Variants in IPO11 observed in about 807,000 individuals in gnomAD.
IPO11 encodes importin 11, also known as importin-11.
In IPO11, 66 loss-of-function variants were observed where a neutral mutation model predicts 143.2. The observed-to-expected ratio is 0.46, with a 90% CI of 0.38 to 0.57. IPO11 has a LOEUF of 0.57. Ranked by LOEUF, IPO11 falls within the 20% of genes least tolerant of loss-of-function variation. The pLI is 0.00. For synonymous variants in IPO11, 385 were observed against 377.8 expected, an observed-to-expected ratio of 1.02 and a Z score of -0.22; for missense variants, 1,026 against 1,141.0, an observed-to-expected ratio of 0.90 and a Z score of 1.45.
At position 62,523,490 on chromosome 5, in the gene IPO11, TGG is replaced by T. The variant is rs551168596; in HGVS notation, c.1897-2650_1897-2649del. 1.6e-3 allele frequency among the ~76,000 whole-genome samples: 241 copies of T among 152,020 alleles called. 5 individuals carry two copies. The highest frequency in any genetic ancestry group is 8.1e-4 in the Non-Finnish European group (55 of 67,992). On this transcript the variant is annotated intron_variant, in intron 20 of 29. Coordinates refer to ENST00000325324, the MANE Select transcript of IPO11 (RefSeq NM_016338.5). ...ACCACTGAGGACACTAGTTTGGAAG[TGG>T]GTAAAACTAAGGTCAAATAGACTAG...
intron 29 of IPO11, among the ~76,000 whole-genome samples, chr5:62,618,047 AAGT>A (rs766303040): frequency 2.0e-5 from 3 of 152,254 alleles, no homozygotes; most frequent in Non-Finnish European, 4.4e-5. Flanking sequence ...TCTACTCTAT[AAGT>A]AGAATATGTA....
chr5:62,601,884 C>A, intron 29 of IPO11, 36 bp downstream of exon 29: 2 of 1,271,942 alleles, frequency 1.6e-6, no homozygotes, highest in South Asian at 2.8e-5. Context: ...AATTAAGAAC[C>A]ATATATTATC....
chr5:62,504,607 A>G, intron 16 of IPO11, 60 bp from the exon 17 acceptor site: 2 of 1,002,700 alleles, frequency 2.0e-6, no homozygotes, highest in Non-Finnish European at 1.5e-6. Context: ...TTTTTGTTTG[A>G]TATTAATGAT....
At chr5:62,436,504 A>G (rs1450773093) in intron 1 of IPO11, among the ~76,000 whole-genome samples, 5 of 152,230 alleles carry the variant, frequency 3.3e-5, no homozygotes, top group African/African-American at 1.2e-4. Flanking sequence ...GTGAATAACT[A>G]TACATACTTG....
intron 29 of IPO11, among the ~76,000 whole-genome samples, chr5:62,612,670 ATAAG>A (rs1745968406): frequency 6.6e-6 from 1 of 152,208 alleles, no homozygotes; most frequent in African/African-American, 2.4e-5. Flanking sequence ...AAGTGAGTTG[ATAAG>A]TATTTTTGAA....
At chr5:62,588,730 A>G (rs1490633769) in intron 27 of IPO11, among the ~76,000 whole-genome samples, 2 of 152,162 alleles carry the variant, frequency 1.3e-5, no homozygotes, top group African/African-American at 2.4e-5. Flanking sequence ...GCCTGACTCA[A>G]TTTCTCCATA....
intron 29 of IPO11, among the ~76,000 whole-genome samples, chr5:62,617,731 A>G (rs1746195339): frequency 6.6e-6 from 1 of 152,176 alleles, no homozygotes; most frequent in Non-Finnish European, 1.5e-5. Context: ...AAACTGAGTT[A>G]TAAGTAGAAA....
At chr5:62,623,856 C>G (rs1220634105) in intron 29 of IPO11, among the ~76,000 whole-genome samples, 2 of 152,024 alleles carry the variant, frequency 1.3e-5, no homozygotes, top group Non-Finnish European at 2.9e-5. Flanking sequence ...CTCCTGACCT[C>G]AGGTTATCCA....
chr5:62,429,326 GT>G (rs937495921), intron 1 of IPO11, among the ~76,000 whole-genome samples: 1 of 152,154 alleles, frequency 6.6e-6, no homozygotes, highest in African/African-American at 2.4e-5. Context: ...GCTCATTCAT[GT>G]TTTAGTATGT....
chr5:62,465,838 T>TGCCAGCTTCCTGTGG (rs1745555113), intron 5 of IPO11, among the ~76,000 whole-genome samples: 1 of 152,332 alleles, frequency 6.6e-6, no homozygotes, highest in Admixed American at 6.5e-5. Context: ...CACCTACAGG[T>TGCCAGCTTCCTGTGG]GCCAGCTTCC....
intron 29 of IPO11, among the ~76,000 whole-genome samples, chr5:62,625,800 C>T (rs553630891): frequency 2.6e-5 from 4 of 152,278 alleles, no homozygotes; most frequent in Admixed American, 2.6e-4. Flanking sequence ...CTTATATAAG[C>T]TAATACATAA....
intron 26 of IPO11, among the ~76,000 whole-genome samples, chr5:62,560,206 G>A (rs1304374246): frequency 6.6e-6 from 1 of 152,092 alleles, no homozygotes. Context: ...GGCCTTCCCA[G>A]GACTAGGGCT....
chr5:62,539,097 T>G (rs1183432267), intron 24 of IPO11, among the ~76,000 whole-genome samples: 1 of 152,210 alleles, frequency 6.6e-6, no homozygotes, highest in African/African-American at 2.4e-5. Flanking sequence ...AGGACTGTAT[T>G]AGTTTCCTAG....
intron 29 of IPO11, among the ~76,000 whole-genome samples, chr5:62,616,685 A>G (rs1174823049): frequency 2.2e-5 from 3 of 134,000 alleles, no homozygotes; most frequent in Non-Finnish European, 4.6e-5. Context: ...GTGCCCCTGC[A>G]CTCCAGCCTG....
At chr5:62,590,028 C>T (rs987111223) in intron 27 of IPO11, among the ~76,000 whole-genome samples, 2 of 152,148 alleles carry the variant, frequency 1.3e-5, no homozygotes, top group African/African-American at 4.8e-5. Flanking sequence ...GGAGCACTGC[C>T]TTCTGGGTTT....
chr5:62,452,004 A>G (rs1744946309), intron 5 of IPO11, 71 bp downstream of exon 5: 2 of 1,230,500 alleles, frequency 1.6e-6, no homozygotes, highest in Non-Finnish European at 2.4e-6. Flanking sequence ...TATGCCTGTA[A>G]TCTCAGCACT....
intron 16 of IPO11, among the ~76,000 whole-genome samples, chr5:62,495,057 A>G (rs1194944319): frequency 1.3e-5 from 2 of 152,226 alleles, no homozygotes; most frequent in Non-Finnish European, 2.9e-5. Flanking sequence ...AAATAGGTGA[A>G]TTTGTTACAG....
At chr5:62,613,385 C>T (rs1320510893) in intron 29 of IPO11, among the ~76,000 whole-genome samples, 1 of 143,212 alleles carries the variant, frequency 7.0e-6, no homozygotes, top group Non-Finnish European at 1.5e-5. Context: ...TCACTGCAAC[C>T]TCTATCTGAT....
intron 24 of IPO11, among the ~76,000 whole-genome samples, chr5:62,549,606 C>T (rs1021494640): frequency 2.6e-5 from 4 of 152,210 alleles, no homozygotes; most frequent in African/African-American, 9.6e-5. Context: ...TCCTTCCCCA[C>T]CTCTCAAGCA....
Sources: gnomAD v4.1 joint callset for allele counts (sites outside exome capture counted in the v4.1 genomes callset) on GRCh38, gnomAD v4.1.1 for gene constraint, MANE v1.5 for transcripts, NCBI Gene and HGNC (gene_info 2026-07-23, HGNC 2026-07-21) for gene names.